Variants in AP5Z1 observed in about 807,000 individuals in gnomAD.
The protein encoded by AP5Z1 is AP-5 complex subunit zeta-1.
In AP5Z1, 106 loss-of-function variants were observed where a neutral mutation model predicts 83.0. The ratio of observed to expected loss-of-function variants is 1.28; its 90% CI spans 1.09 to 1.50. The LOEUF is 1.50. Among genes scored for constraint, AP5Z1 ranks in the 40% most tolerant of loss-of-function variants. AP5Z1 has a pLI of 0.00. For missense variants in AP5Z1, 1,565 were observed against 1,094.2 expected (o/e 1.43, Z -6.07); for synonymous variants, 751 against 514.1 (o/e 1.46, Z -6.23).
In AP5Z1 at chr7:4,784,922, C is replaced by T; in HGVS notation, c.805C>T (p.Gln269Ter). 6.2e-7 allele frequency: 1 copy of T among 1,611,722 alleles called. No homozygotes were observed. The highest frequency in any genetic ancestry group is 8.5e-7 in the Non-Finnish European group (1 of 1,179,264). ...ACCTCCCGCAGATGACAGGTCAGAGCAGGAGGGCTCCACTCTGTCGGTGAT... is the reference window on the plus strand; with the variant it reads ...ACCTCCCGCAGATGACAGGTCAGAGTAGGAGGGCTCCACTCTGTCGGTGAT... ...GTLDTDDRSE[Q>*]EGSTLSVISA... The change falls in exon 7 of 17, where the codon CAG (glutamine) becomes TAG (stop). Residue 269 changes from glutamine (Q) to a stop codon, truncating the protein, a stop_gained. Coordinates refer to ENST00000649063, the MANE Select transcript of AP5Z1 (RefSeq NM_014855.3). LOFTEE classifies it high-confidence loss of function.
At position 4,790,656 on chromosome 7, in the gene AP5Z1, T is replaced by A; in HGVS notation, c.1939-17T>A. The A allele has an allele frequency of 6.2e-7, 1 of 1,612,110 alleles. No homozygotes were observed. Among genetic ancestry groups the A allele is most frequent in the Non-Finnish European group, 8.5e-7 (1 of 1,179,542 alleles). ...AGGAGGCCTGGGTGGGGGCTGAATC[T>A]CTGTCCCCGGGCCTAGGTGTGGGCC... On this transcript the variant is annotated splice_polypyrimidine_tract_variant and intron_variant, in intron 15 of 16. Transcript: ENST00000649063.
intron 1 of AP5Z1, among the ~76,000 whole-genome samples, chr7:4,780,891 T>C (rs1263828805): frequency 1.3e-5 from 2 of 152,210 alleles, no homozygotes; most frequent in Non-Finnish European, 2.9e-5. Flanking sequence ...GAATCGGTTT[T>C]AGTCCTTCTG....
rs989249357 is a variant in AP5Z1, at chr7:4,788,782, G to A, written c.1596-58G>A. The stretch of plus-strand genomic sequence containing the variant: ...GAGGGAGCAGTGGCGACGTGGCCCC[G>A]GCCTGCAGTCACCAGGTCGGGGAGC... On this transcript the variant is annotated intron_variant, in intron 12 of 16. Transcript: ENST00000649063. 246 of 1,448,120 alleles carry A rather than the reference G, an allele frequency of 1.7e-4. 5 individuals are homozygous for A. The South Asian group carries it at 3.0e-3, about 18-fold the overall frequency. 89.7% of individuals were successfully genotyped at this position (1,448,120 alleles called of 1,614,324 possible).
chr7:4,784,520 T>C, intron 6 of AP5Z1, 149 bp downstream of exon 6: 1 of 1,027,372 alleles, frequency 9.7e-7, no homozygotes, highest in Non-Finnish European at 1.4e-6. Context: ...CCTGCTGACC[T>C]GGAGCTAGGC....
chr7:4,775,660 T>A lies in AP5Z1; in HGVS notation c.-56T>A. ...GAAGTTGACCGGGGTGCGGAGCTCC[T>A]GGGCTGCAGCTCCTGGAGTTTCCGA... On this transcript the variant is annotated 5_prime_UTR_variant, in exon 1 of 17. Transcript: ENST00000649063. The A allele has an allele frequency of 1.9e-6, 3 of 1,602,032 alleles. No individual in the cohort carries two copies. The highest frequency in any genetic ancestry group is 1.7e-6 in the Non-Finnish European group (2 of 1,178,402).
chr7:4,778,955 C>G (rs1387425711), intron 1 of AP5Z1, among the ~76,000 whole-genome samples: 1 of 146,462 alleles, frequency 6.8e-6, no homozygotes, highest in Non-Finnish European at 1.5e-5. Flanking sequence ...ACTGCTTGAG[C>G]TAGAAGATCA....
At chr7:4,791,045 GCCCCTCCACACAGA>G (rs917222470) in intron 16 of AP5Z1, 56 bp from the exon 17 acceptor site, 32 of 1,487,744 alleles carry the variant, frequency 2.2e-5, no homozygotes, top group Non-Finnish European at 2.6e-5. Context: ...TTCAGGCCTG[GCCCCTCCACACAGA>G]CCCCTGTCCT....
rs746645324 is a variant in AP5Z1 at position 4,788,264 on chromosome 7, T to A, written c.1565T>A (p.Leu522Gln). 1.6e-5 allele frequency: 26 copies of A among 1,590,998 alleles called. No homozygotes were observed. In the East Asian group the frequency reaches 3.2e-4, roughly 20 times the overall value. Residue 522 changes from leucine to glutamine, a missense_variant, in exon 12 of 17, where the codon CTG (leucine) becomes CAG (glutamine). Leu to Gln is a moderately radical substitution (Grantham distance 113). Transcript: ENST00000649063. ...PQFQGLFQYL[L>Q]RPKASGATER... is the part of the protein sequence containing the mutation. Reference sequence around the variant, plus strand: ...TTCCAGGGTCTTTTCCAATACCTGCTGCGCCCCAAGGCCAGTGGCGCCACT... The same window carrying A: ...TTCCAGGGTCTTTTCCAATACCTGCAGCGCCCCAAGGCCAGTGGCGCCACT...
intron 14 of AP5Z1, 49 bp downstream of exon 14, chr7:4,789,978 G>T (rs747795410): frequency 7.0e-7 from 1 of 1,418,578 alleles, no homozygotes. Flanking sequence ...GTGCCTCCTG[G>T]ACTCCTCCCC....
intron 6 of AP5Z1, 147 bp from the exon 7 acceptor site, chr7:4,784,760 TG>T: frequency 9.1e-7 from 1 of 1,100,244 alleles, no homozygotes; most frequent in Non-Finnish European, 1.3e-6. Flanking sequence ...AGCTGCCGGG[TG>T]GGTGGACGTC....
chr7:4,781,521 C>G, intron 2 of AP5Z1, 47 bp from the exon 3 acceptor site: 1 of 1,584,114 alleles, frequency 6.3e-7, no homozygotes, highest in Non-Finnish European at 8.6e-7. Flanking sequence ...GTGCTCCTGC[C>G]ACGGTCGTGA....
rs1232025003 is a variant in AP5Z1 at position 4,789,837 on chromosome 7, T to G, written c.1713T>G (p.Ala571=). Residue 571 remains alanine, a synonymous_variant, in exon 14 of 17, where the codon GCT becomes GCG. Transcript: ENST00000649063. ...QAFFSAVTQV[A]DGSLINQLAL... ...TTCCCACTCCTGACCCCCAGGTGGC[T>G]GACGGGTCCCTGATCAACCAGCTGG... The G allele has an allele frequency of 1.3e-6, 2 of 1,551,552 alleles. No individual in the cohort carries two copies. The highest frequency in any genetic ancestry group is 2.7e-5 in the African/African-American group (2 of 73,066).
In AP5Z1 at chr7:4,790,463, C is replaced by T. The variant is rs1301084231; in HGVS notation, c.1810C>T (p.Leu604=). Residue 604 remains leucine (L), a synonymous_variant, in exon 15 of 17, where the codon CTG becomes TTG. Coordinates refer to ENST00000649063, the MANE Select transcript of AP5Z1 (RefSeq NM_014855.3). ...PGYAAGVHSV[L]SSQFLALCTL... is the part of the protein sequence containing the mutation. ...TAGACCCGGCTTTCTGGGCAGTGTG[C>T]TGAGTTCTCAGTTCCTGGCCCTGTG... The T allele has an allele frequency of 1.1e-5, 18 of 1,613,006 alleles. No homozygotes were observed. The South Asian group carries it at 1.5e-4, about 14-fold the overall frequency.
rs1781593724 is a variant in AP5Z1 at position 4,787,695 on chromosome 7, T to C, written c.1373T>C (p.Val458Ala). Residue 458 changes from valine to alanine, a missense_variant, in exon 11 of 17, where the codon GTG (valine) becomes GCG (alanine). Coordinates refer to ENST00000649063, the MANE Select transcript of AP5Z1 (RefSeq NM_014855.3). ...SEFVALLPAL[V>A]DAGTALEMLH... is the part of the protein sequence containing the mutation. ...TTTGTGGCGCTCCTCCCGGCCCTGG[T>C]GGACGCTGGCACAGCCCTGGAGATG... The C allele has an allele frequency of 6.4e-7, 1 of 1,552,252 alleles. No individual in the cohort carries two copies. The highest frequency in any genetic ancestry group is 8.7e-7 in the Non-Finnish European group (1 of 1,148,930).
intron 1 of AP5Z1, 36 bp downstream of exon 1, chr7:4,775,792 C>T: frequency 1.3e-6 from 2 of 1,598,266 alleles, no homozygotes; most frequent in Non-Finnish European, 1.7e-6. Flanking sequence ...CTCCTTCCTG[C>T]ATCTCTCCCT....
rs1011637570 is a variant in AP5Z1 at position 4,791,821 on chromosome 7, G to A, written c.*436G>A. ...CCTGCACCCTGGGGAGAGGACCAGGGATGGGAACCCCTGGCAGCTGCTGCC... is the reference window on the plus strand; with the variant it reads ...CCTGCACCCTGGGGAGAGGACCAGGAATGGGAACCCCTGGCAGCTGCTGCC... On this transcript the variant is annotated 3_prime_UTR_variant, in exon 17 of 17. Coordinates refer to ENST00000649063, the MANE Select transcript of AP5Z1 (RefSeq NM_014855.3). 1.2e-5 allele frequency: 2 copies of A among 164,232 alleles called. No individual in the cohort carries two copies. Among genetic ancestry groups the A allele is most frequent in the African/African-American group, 4.8e-5 (2 of 41,798 alleles). The allele number at this position is 164,232 out of a possible 1,614,324, so 10.2% of individuals were successfully genotyped here.
At chr7:4,787,885 C>T (rs553736561) in intron 11 of AP5Z1, 109 bp downstream of exon 11, 9 of 1,339,468 alleles carry the variant, frequency 6.7e-6, no homozygotes, top group South Asian at 1.5e-5. Flanking sequence ...CTCCTTCTTC[C>T]CCCCCCAACA....
chr7:4,784,744 T>A (rs1781485364), intron 6 of AP5Z1, among the ~76,000 whole-genome samples, 164 bp from the exon 7 acceptor site: 1 of 152,120 alleles, frequency 6.6e-6, no homozygotes. Context: ...GCGGCCGTGA[T>A]GGGGAAGCTG....
chr7:4,790,079 C>A, intron 14 of AP5Z1, 150 bp downstream of exon 14: 1 of 1,257,302 alleles, frequency 8.0e-7, no homozygotes, highest in Non-Finnish European at 1.1e-6. Flanking sequence ...CACCCACAGC[C>A]CCACACCCAG....
Sources: allele counts gnomAD v4.1 joint callset (sites outside exome capture counted in the v4.1 genomes callset), GRCh38; gene constraint gnomAD v4.1.1; transcripts MANE v1.5; gene names NCBI Gene and HGNC (gene_info 2026-07-23, HGNC 2026-07-21).